The following SCN2A variants were observed in gnomAD, a reference collection of about 807,000 sequenced individuals.
SCN2A encodes the protein sodium channel protein type 2 subunit alpha.
SCN2A carries 20 observed loss-of-function variants against 188.7 expected under a neutral mutation model. The ratio of observed to expected loss-of-function variants is 0.11; its 90% CI spans 0.07 to 0.15. SCN2A has a LOEUF of 0.15. SCN2A is among the 10% of genes least tolerant of loss of function. The probability of loss-of-function intolerance (pLI) is 1.00; values close to 1 mark genes in which losing one functional copy is unlikely to be tolerated. For missense variants in SCN2A, 1,278 were observed against 2,445.0 expected, an observed-to-expected ratio of 0.52 and a Z score of 10.07; for synonymous variants, 804 against 833.1, an observed-to-expected ratio of 0.97 and a Z score of 0.60.
At chr2:165,265,471 CTATATATA>C (rs1178289931) in intron 1 of SCN2A, among the ~76,000 whole-genome samples, 878 of 29,014 alleles carry the variant, frequency 0.03, 19 homozygotes, top group African/African-American at 0.063. Context: ...CTCTGTTGAT[CTATATATA>C]TATATATATA....
rs182428124 is a variant in SCN2A, at chr2:165,344,915, T to C, written c.2919+4T>C. 1.9e-6 allele frequency: 3 copies of C among 1,614,130 alleles called. No individual in the cohort carries two copies. The Admixed American group carries it at 5.0e-5, about 27-fold the overall frequency. On this transcript the variant is annotated splice_donor_region_variant and intron_variant, in intron 16 of 26. Transcript: ENST00000375437. The stretch of plus-strand genomic sequence containing the variant: ...CATGGTGATTGGAAATCTAGTGGTA[T>C]GTAGCAAAAACATTTTCCTCATTTT...
chr2:165,312,655 T>C (rs1447306907), intron 8 of SCN2A, among the ~76,000 whole-genome samples: 1 of 152,144 alleles, frequency 6.6e-6, no homozygotes, highest in Non-Finnish European at 1.5e-5. Context: ...AATAAATGTA[T>C]AGCTATTTAG....
chr2:165,338,551 C>G (rs12104733), intron 14 of SCN2A, among the ~76,000 whole-genome samples: 1 of 152,022 alleles, frequency 6.6e-6, no homozygotes, highest in African/African-American at 2.4e-5. Flanking sequence ...TGAGCCACCA[C>G]GCCGGGCCAG....
At chr2:165,275,297 C>T (rs1695284624) in intron 1 of SCN2A, among the ~76,000 whole-genome samples, 1 of 152,168 alleles carries the variant, frequency 6.6e-6, no homozygotes. Context: ...CTTCAGCAAG[C>T]CTCTCCATGA....
At chr2:165,251,021 A>T (rs1424569372) in intron 1 of SCN2A, among the ~76,000 whole-genome samples, 1 of 152,140 alleles carries the variant, frequency 6.6e-6, no homozygotes, top group Non-Finnish European at 1.5e-5. Flanking sequence ...TATATTTTAC[A>T]ACTCAAAACA....
In SCN2A at chr2:165,344,371, A is replaced by G. The variant is rs3943809; in HGVS notation, c.2563-184A>G. On this transcript the variant is annotated intron_variant, in intron 15 of 26. Coordinates refer to ENST00000375437, the MANE Select transcript of SCN2A (RefSeq NM_001040142.2). ...GTACATTTGCCCTGTTAATAAAATT[A>G]CAGATTTTTCCCTTCCTGTGTCCAT... is the stretch of plus-strand genomic sequence containing the variant. 0.21 allele frequency among the ~76,000 whole-genome samples: 31,431 copies of G among 151,940 alleles called. 3,971 individuals carry two copies. The highest frequency in any genetic ancestry group is 0.34 in the East Asian group (1,759 of 5,170).
chr2:165,380,371 A>T (rs1701538789), intron 23 of SCN2A, among the ~76,000 whole-genome samples: 1 of 151,822 alleles, frequency 6.6e-6, no homozygotes, highest in Non-Finnish European at 1.5e-5. Context: ...GTCTATAATC[A>T]TTCAGACTTC....
chr2:165,282,594 T>A (rs1695629695), intron 1 of SCN2A, among the ~76,000 whole-genome samples: 1 of 152,200 alleles, frequency 6.6e-6, no homozygotes, highest in Non-Finnish European at 1.5e-5. Context: ...TCTTCCTCTT[T>A]TTTTTAGAGA....
intron 8 of SCN2A, 23 bp downstream of exon 8, chr2:165,312,111 T>A: frequency 6.3e-7 from 1 of 1,591,662 alleles, no homozygotes; most frequent in Non-Finnish European, 8.6e-7. Context: ...TCCTACTGAG[T>A]TTCAGTCCAC....
At chr2:165,342,668 C>T (rs1699377577) in intron 15 of SCN2A, among the ~76,000 whole-genome samples, 199 bp downstream of exon 15, 1 of 152,178 alleles carries the variant, frequency 6.6e-6, no homozygotes. Flanking sequence ...GAATAGTCTA[C>T]ACTTCTCTTC....
At chr2:165,277,214 C>A (rs565492755) in intron 1 of SCN2A, among the ~76,000 whole-genome samples, 1 of 152,158 alleles carries the variant, frequency 6.6e-6, no homozygotes, top group East Asian at 1.9e-4. Flanking sequence ...ATCCTTACTG[C>A]AGTATCTGCT....
intron 26 of SCN2A, among the ~76,000 whole-genome samples, chr2:165,388,225 C>G (rs549262289): frequency 5.8e-4 from 89 of 152,266 alleles, no homozygotes; most frequent in African/African-American, 2.1e-3. Flanking sequence ...CATAGAATCT[C>G]AGAAAGTAAA....
At chr2:165,367,096 T>C in intron 18 of SCN2A, 121 bp from the exon 19 acceptor site, 1 of 954,514 alleles carries the variant, frequency 1.0e-6, no homozygotes, top group Non-Finnish European at 1.6e-6. Flanking sequence ...GAAGCTATCT[T>C]AAAAATTAAT....
At chr2:165,265,769 AT>A (rs1227199270) in intron 1 of SCN2A, among the ~76,000 whole-genome samples, 1 of 151,024 alleles carries the variant, frequency 6.6e-6, no homozygotes, top group Non-Finnish European at 1.5e-5. Context: ...TAAGGAAAAA[AT>A]ATTATTATTT....
At position 165,377,658 on chromosome 2, in the gene SCN2A, T is replaced by C; in HGVS notation, c.4308+8T>C. ...GCTGTTGATTCACGAAATGTAAGTCTAGTTAGAGGGAAATTGTTTAGTTTG... is the reference window on the plus strand; with the variant it reads ...GCTGTTGATTCACGAAATGTAAGTCCAGTTAGAGGGAAATTGTTTAGTTTG... On this transcript the variant is annotated splice_region_variant and intron_variant, in intron 23 of 26. Coordinates refer to ENST00000375437, the MANE Select transcript of SCN2A (RefSeq NM_001040142.2). 4 of 1,600,080 alleles carry C rather than the reference T, an allele frequency of 2.5e-6. No homozygotes were observed. The highest frequency in any genetic ancestry group is 3.4e-6 in the Non-Finnish European group (4 of 1,170,124).
chr2:165,332,968 A>C (rs4566378), intron 14 of SCN2A, among the ~76,000 whole-genome samples: 42,473 of 151,818 alleles, frequency 0.28, 6,284 homozygotes, highest in Middle Eastern at 0.48. Flanking sequence ...AGATTCTATC[A>C]ACTTTTATTC....
At position 165,269,428 on chromosome 2, in the gene SCN2A, G is replaced by A. The variant is rs574232720; in HGVS notation, c.-51-26345G>A. ...TTGGACTCACATTCAGGTTGCCATA[G>A]TCCAAATTCAGGCTTCCCTACTCAC... On this transcript the variant is annotated intron_variant, in intron 1 of 26. Coordinates refer to ENST00000375437, the MANE Select transcript of SCN2A (RefSeq NM_001040142.2). The A allele has an allele frequency of 1.3e-4, 20 of 152,120 alleles. 1 individual carries two copies. The South Asian group carries it at 3.5e-3, about 27-fold the overall frequency. 9.4% of individuals were successfully genotyped at this position (152,120 alleles called of 1,614,324 possible).
chr2:165,307,816 A>G (rs200618917), intron 3 of SCN2A, 32 bp from the exon 4 acceptor site: 30 of 1,477,166 alleles, frequency 2.0e-5, no homozygotes, highest in Admixed American at 3.3e-5. Flanking sequence ...AGATTTTTCC[A>G]TTGAACTTTG....
intron 1 of SCN2A, among the ~76,000 whole-genome samples, chr2:165,291,549 C>A (rs1421213213): frequency 2.8e-5 from 3 of 106,148 alleles, no homozygotes; most frequent in East Asian, 3.4e-4. Context: ...TCCTTCCTTC[C>A]TTCCTTCCTT....
Sources: gnomAD v4.1 joint callset for allele counts (sites outside exome capture counted in the v4.1 genomes callset) on GRCh38, gnomAD v4.1.1 for gene constraint, MANE v1.5 for transcripts, NCBI Gene and HGNC (gene_info 2026-07-23, HGNC 2026-07-21) for gene names.